The following PREX2 variants were observed in gnomAD, a reference collection of about 807,000 sequenced individuals.
The protein encoded by PREX2 is phosphatidylinositol 3,4,5-trisphosphate-dependent Rac exchanger 2 protein.
A neutral mutation model predicts 203.2 loss-of-function variants in PREX2; 107 were observed. The ratio of observed to expected loss-of-function variants is 0.53; its 90% CI spans 0.45 to 0.62. PREX2 has a LOEUF of 0.62. Ranked by LOEUF, PREX2 falls within the 20% of genes least tolerant of loss-of-function variation. The pLI, the probability that PREX2 is intolerant of heterozygous loss-of-function variation, is 0.00. For missense variants in PREX2, 1,777 were observed against 1,955.9 expected, an observed-to-expected ratio of 0.91 and a Z score of 1.72; for synonymous variants, 672 against 663.6, an observed-to-expected ratio of 1.01 and a Z score of -0.19.
chr8:67,952,717 T>C (rs1239249789), intron 1 of PREX2, 182 bp downstream of exon 1: 1 of 798,932 alleles, frequency 1.3e-6, no homozygotes. Context: ...CCGCGGGGAT[T>C]TGTTGGTGCC....
intron 35 of PREX2, among the ~76,000 whole-genome samples, chr8:68,165,471 T>C (rs1811743548): frequency 2.0e-5 from 3 of 152,058 alleles, no homozygotes; most frequent in Admixed American, 2.0e-4. Flanking sequence ...GGACGGGTTT[T>C]TTAGTTGAGC....
At chr8:68,095,517 A>T (rs72660896) in intron 21 of PREX2, among the ~76,000 whole-genome samples, 37,821 of 114,776 alleles carry the variant, frequency 0.33, 4,735 homozygotes, top group South Asian at 0.37. Context: ...ACATACATAC[A>T]TACATACATA....
At chr8:68,087,952 A>G (rs1319613271) in intron 19 of PREX2, 143 bp downstream of exon 19, 7 of 644,064 alleles carry the variant, frequency 1.1e-5, no homozygotes, top group Non-Finnish European at 2.0e-5. Flanking sequence ...ATGGTAGCAC[A>G]TTCCAGAAAC....
chr8:67,976,657 ACGG>A (rs369509357), intron 1 of PREX2, among the ~76,000 whole-genome samples: 325 of 58,360 alleles, frequency 5.6e-3, no homozygotes, highest in East Asian at 0.014. Context: ...AGAGAGAGAG[ACGG>A]GAGAGAGACA....
intron 1 of PREX2, among the ~76,000 whole-genome samples, chr8:67,976,450 GA>G: frequency 1.6e-5 from 1 of 62,222 alleles, no homozygotes; most frequent in Non-Finnish European, 3.6e-5. Flanking sequence ...GAGAGAGACA[GA>G]GAGAGAGAGA....
intron 35 of PREX2, among the ~76,000 whole-genome samples, chr8:68,180,372 A>G (rs1585848364): frequency 1.3e-5 from 2 of 152,198 alleles, no homozygotes; most frequent in South Asian, 4.2e-4. Context: ...TTACAGATGA[A>G]TATTGTCTTA....
chr8:68,145,220 G>C (rs957246871), intron 33 of PREX2, among the ~76,000 whole-genome samples: 2 of 152,046 alleles, frequency 1.3e-5, no homozygotes, highest in African/African-American at 4.8e-5. Context: ...AATGCTTCAT[G>C]TCTTCATTTA....
At chr8:68,211,381 A>C (rs1376790662) in intron 37 of PREX2, among the ~76,000 whole-genome samples, 3 of 152,190 alleles carry the variant, frequency 2.0e-5, no homozygotes, top group African/African-American at 7.2e-5. Flanking sequence ...AAGGACTATA[A>C]AAGTATAAAC....
chr8:67,993,216 A>G (rs1341592493), intron 1 of PREX2, among the ~76,000 whole-genome samples: 1 of 152,134 alleles, frequency 6.6e-6, no homozygotes, highest in African/African-American at 2.4e-5. Context: ...CTTCAATTGT[A>G]TCATCTGACT....
chr8:68,162,675 T>C (rs1193702699), intron 35 of PREX2, among the ~76,000 whole-genome samples: 1 of 151,736 alleles, frequency 6.6e-6, no homozygotes, highest in Non-Finnish European at 1.5e-5. Flanking sequence ...CTGTGAAGAG[T>C]ATGATTGGAG....
chr8:68,012,006 G>T (rs372910650), intron 1 of PREX2, among the ~76,000 whole-genome samples: 4 of 152,048 alleles, frequency 2.6e-5, no homozygotes, highest in East Asian at 3.9e-4. Flanking sequence ...TTGTAATTCT[G>T]TCAATAATGG....
intron 33 of PREX2, among the ~76,000 whole-genome samples, chr8:68,139,621 G>T (rs1811185648): frequency 6.6e-6 from 1 of 152,224 alleles, no homozygotes; most frequent in Non-Finnish European, 1.5e-5. Flanking sequence ...CCAGTGATCA[G>T]TTAGAAAGCT....
intron 1 of PREX2, among the ~76,000 whole-genome samples, chr8:68,007,905 G>A (rs765823552): frequency 2.6e-5 from 4 of 152,160 alleles, no homozygotes; most frequent in South Asian, 2.1e-4. Context: ...CACCGCGCCC[G>A]GCCCTCAGTT....
intron 6 of PREX2, among the ~76,000 whole-genome samples, chr8:68,037,157 T>C (rs1303232249): frequency 6.6e-6 from 1 of 152,172 alleles, no homozygotes; most frequent in Admixed American, 6.5e-5. Flanking sequence ...ATTAATGTTC[T>C]AAATTTTAAA....
At position 68,225,766 on chromosome 8, in the gene PREX2, G is replaced by A. The variant is rs114199864; in HGVS notation, c.4775+1140G>A. 2.5e-3 allele frequency among the ~76,000 whole-genome samples: 387 copies of A among 152,258 alleles called. 1 individual carries two copies. The highest frequency in any genetic ancestry group is 8.4e-3 in the African/African-American group (348 of 41,544). On this transcript the variant is annotated intron_variant, in intron 39 of 39. Coordinates refer to ENST00000288368, the MANE Select transcript of PREX2 (RefSeq NM_024870.4). ...TAATGTCGTCTTTCACAGTTGATTA[G>A]GTTAGAATCTAAGGCTTTATATTGC... is the stretch of plus-strand genomic sequence containing the variant.
chr8:68,056,813 A>G (rs893386385), intron 10 of PREX2, among the ~76,000 whole-genome samples: 7 of 152,258 alleles, frequency 4.6e-5, no homozygotes, highest in South Asian at 2.1e-4. Context: ...TTTACAGTCT[A>G]GACTGCAATC....
intron 1 of PREX2, among the ~76,000 whole-genome samples, chr8:68,013,947 T>G (rs545355178): frequency 1.3e-5 from 2 of 152,314 alleles, no homozygotes; most frequent in South Asian, 4.1e-4. Context: ...TATAAATTGT[T>G]AAAATCTGCC....
chr8:67,997,911 A>G (rs1014969038), intron 1 of PREX2, among the ~76,000 whole-genome samples: 2 of 152,128 alleles, frequency 1.3e-5, no homozygotes, highest in African/African-American at 4.8e-5. Context: ...TTTAGATGCT[A>G]TTATAAATGA....
At chr8:68,052,866 A>G (rs1316684020) in intron 8 of PREX2, among the ~76,000 whole-genome samples, 1 of 152,228 alleles carries the variant, frequency 6.6e-6, no homozygotes, top group Non-Finnish European at 1.5e-5. Context: ...AGTTTCATGT[A>G]ATGTATTAAC....
Sources: gnomAD v4.1 joint callset for allele counts (sites outside exome capture counted in the v4.1 genomes callset) on GRCh38, gnomAD v4.1.1 for gene constraint, MANE v1.5 for transcripts, NCBI Gene and HGNC (gene_info 2026-07-23, HGNC 2026-07-21) for gene names.